Variants in MACROD1 observed in about 807,000 individuals in gnomAD.
The protein encoded by MACROD1 is mono-ADP ribosylhydrolase 1.
A neutral mutation model predicts 41.4 loss-of-function variants in MACROD1; 31 were observed. The ratio of observed to expected loss-of-function variants is 0.75; its 90% CI spans 0.56 to 1.01. The LOEUF (loss-of-function observed/expected upper bound fraction) is 1.01. Among genes scored for constraint, MACROD1 ranks in the 50% least tolerant of loss-of-function variants. The probability of loss-of-function intolerance (pLI) is 0.00; values close to 1 mark genes in which losing one functional copy is unlikely to be tolerated. For synonymous variants in MACROD1, 252 were observed against 203.4 expected (o/e 1.24, Z -2.03); for missense variants, 473 against 460.0 (o/e 1.03, Z -0.26).
intron 3 of MACROD1, among the ~76,000 whole-genome samples, chr11:64,019,099 G>A (rs940548110): frequency 6.6e-6 from 1 of 152,206 alleles, no homozygotes; most frequent in Non-Finnish European, 1.5e-5. Flanking sequence ...TGGGGGCGGG[G>A]CCTCCCGGCA....
intron 4 of MACROD1, among the ~76,000 whole-genome samples, chr11:64,012,160 A>G (rs1943025135): frequency 6.6e-6 from 1 of 152,080 alleles, no homozygotes; most frequent in African/African-American, 2.4e-5. Flanking sequence ...AGGTTGTGTG[A>G]GAGGCCTGTG....
At chr11:64,060,984 G>A (rs2134437484) in intron 3 of MACROD1, among the ~76,000 whole-genome samples, 1 of 151,994 alleles carries the variant, frequency 6.6e-6, no homozygotes, top group East Asian at 1.9e-4. Context: ...GCGACCGGGC[G>A]GGCCGGCGTC....
At chr11:64,057,306 C>T (rs1943805382) in intron 3 of MACROD1, among the ~76,000 whole-genome samples, 1 of 152,346 alleles carries the variant, frequency 6.6e-6, no homozygotes, top group Middle Eastern at 3.4e-3. Context: ...TCCCTCTGCT[C>T]AGGCCGCAGG....
At chr11:64,116,852 G>T (rs563036980) in intron 3 of MACROD1, 2 of 1,612,478 alleles carry the variant, frequency 1.2e-6, no homozygotes, top group African/African-American at 1.3e-5. Flanking sequence ...TCCCCTCGGG[G>T]CTGCCGCACA....
At chr11:64,081,950 G>C (rs1944312196) in intron 3 of MACROD1, 1 of 152,332 alleles carries the variant, frequency 6.6e-6, no homozygotes, top group Non-Finnish European at 1.5e-5. Context: ...CGTTCTACCT[G>C]CTGTGTTCTA....
chr11:64,003,079 C>T (rs1942852975), intron 4 of MACROD1, among the ~76,000 whole-genome samples: 1 of 152,176 alleles, frequency 6.6e-6, no homozygotes, highest in Non-Finnish European at 1.5e-5. Context: ...GTGGCGGGAC[C>T]CCCCTGAGAT....
At chr11:64,065,261 C>T (rs995542650) in intron 3 of MACROD1, among the ~76,000 whole-genome samples, 15 of 152,110 alleles carry the variant, frequency 9.9e-5, no homozygotes, top group East Asian at 5.8e-4. Flanking sequence ...AGCAGTGAGG[C>T]GGTGGGTGGG....
At chr11:64,042,274 C>T (rs889977266) in intron 3 of MACROD1, among the ~76,000 whole-genome samples, 2 of 152,102 alleles carry the variant, frequency 1.3e-5, no homozygotes, top group African/African-American at 2.4e-5. Context: ...ATGAAGCCCA[C>T]ATCTCACCCC....
chr11:64,035,716 C>CTCCCCGCCCGCTGCCTCCCCCTCCTCT (rs1943362803), intron 3 of MACROD1, among the ~76,000 whole-genome samples: 1 of 142,936 alleles, frequency 7.0e-6, no homozygotes, highest in Admixed American at 6.9e-5. Flanking sequence ...CGCCCCCGTC[C>CTCCCCGCCCGCTGCCTCCCCCTCCTCT]TCCTCCCCCT....
chr11:64,006,830 G>A (rs762165031), intron 4 of MACROD1, among the ~76,000 whole-genome samples: 3 of 152,178 alleles, frequency 2.0e-5, no homozygotes, highest in Admixed American at 6.5e-5. Context: ...AAATGGAGAC[G>A]CTAATGATGC....
chr11:64,163,590 A>G (rs1349444593), intron 1 of MACROD1, among the ~76,000 whole-genome samples: 2 of 152,186 alleles, frequency 1.3e-5, no homozygotes, highest in African/African-American at 4.8e-5. Flanking sequence ...GAGGCCCCAA[A>G]GTGACCAACC....
intron 3 of MACROD1, among the ~76,000 whole-genome samples, chr11:64,065,757 T>C (rs1590860691): frequency 7.9e-6 from 1 of 126,908 alleles, no homozygotes; most frequent in Non-Finnish European, 1.6e-5. Context: ...GCCACTGCAC[T>C]CCAGCCTGGG....
At chr11:64,010,067 T>TG (rs1394693448) in intron 4 of MACROD1, among the ~76,000 whole-genome samples, 1 of 91,284 alleles carries the variant, frequency 1.1e-5, no homozygotes, top group African/African-American at 4.4e-5. Context: ...GGGTGTTGGC[T>TG]GGGGTGTTGC....
chr11:64,150,030 G>A (rs996105503), intron 3 of MACROD1, among the ~76,000 whole-genome samples: 3 of 152,214 alleles, frequency 2.0e-5, no homozygotes, highest in Admixed American at 1.3e-4. Flanking sequence ...TCCTGCCTAC[G>A]TGTAACCTGT....
intron 4 of MACROD1, among the ~76,000 whole-genome samples, chr11:64,015,005 C>A (rs1360917673): frequency 6.6e-6 from 1 of 152,194 alleles, no homozygotes; most frequent in Non-Finnish European, 1.5e-5. Flanking sequence ...CACTTGTGGC[C>A]CCTGCCCAGT....
intron 3 of MACROD1, among the ~76,000 whole-genome samples, chr11:64,077,893 G>A (rs558147391): frequency 6.6e-6 from 1 of 152,348 alleles, no homozygotes; most frequent in East Asian, 1.9e-4. Context: ...CAGCAGATAT[G>A]TTTAGGCCCT....
intron 4 of MACROD1, among the ~76,000 whole-genome samples, chr11:64,010,138 T>TTGGGGTGTTGGTTGAAGTGTTGCC (rs1942980883): frequency 1.1e-5 from 1 of 87,966 alleles, no homozygotes; most frequent in Admixed American, 1.1e-4. Flanking sequence ...GGGGGGTTGG[T>TTGGGGTGTTGGTTGAAGTGTTGCC]TGGGGTGTTG....
At chr11:64,068,553 C>T (rs778879362) in intron 3 of MACROD1, among the ~76,000 whole-genome samples, 1 of 152,264 alleles carries the variant, frequency 6.6e-6, no homozygotes, top group Non-Finnish European at 1.5e-5. Context: ...GCCGATTACT[C>T]TTACAGAGCC....
intron 3 of MACROD1, among the ~76,000 whole-genome samples, chr11:64,037,335 GC>G (rs1359143461): frequency 1.3e-5 from 2 of 152,044 alleles, no homozygotes; most frequent in Non-Finnish European, 2.9e-5. Context: ...CCCGGCGGCC[GC>G]GGGGGAGGCA....
Sources: gnomAD v4.1 joint callset for allele counts (sites outside exome capture counted in the v4.1 genomes callset) on GRCh38, gnomAD v4.1.1 for gene constraint, MANE v1.5 for transcripts, NCBI Gene and HGNC (gene_info 2026-07-23, HGNC 2026-07-21) for gene names.